The following NRG3 variants were observed in gnomAD, a reference collection of about 807,000 sequenced individuals.
NRG3 encodes pro-neuregulin-3, membrane-bound isoform.
Under a neutral mutation model 66.9 loss-of-function variants are expected in NRG3, and 31 were observed. The observed-to-expected ratio is 0.46, with a 90% confidence interval of 0.35 to 0.63. The LOEUF is 0.63. Ranked by LOEUF, NRG3 falls within the 20% of genes least tolerant of loss-of-function variation. NRG3 has a pLI of 0.00. For synonymous variants in NRG3, 393 were observed against 359.4 expected, an observed-to-expected ratio of 1.09 and a Z score of -1.06; for missense variants, 910 against 878.9, an observed-to-expected ratio of 1.04 and a Z score of -0.45.
In NRG3 at chr10:82,216,571, TGG is replaced by T. The variant is rs1286941256; in HGVS notation, c.824-142166_824-142165del. On this transcript the variant is annotated intron_variant, in intron 1 of 8. Transcript: ENST00000372141. ...ATGTATACATATGTATGTATATATC[TGG>T]GTGTGTGTGTGTGTGTGTGTGTATA... Among the ~76,000 whole-genome samples, 1,149 of 129,020 alleles carry T rather than the reference TGG, an allele frequency of 8.9e-3. 19 individuals carry two copies. Among genetic ancestry groups the T allele is most frequent in the African/African-American group, 0.032 (1,071 of 33,910 alleles). 84.6% of individuals were successfully genotyped at this position (129,020 alleles called of 152,430 possible).
chr10:82,539,849 G>C (rs751622976), intron 2 of NRG3, among the ~76,000 whole-genome samples: 16 of 152,104 alleles, frequency 1.1e-4, no homozygotes, highest in South Asian at 2.1e-4. Flanking sequence ...GACCAGGCTG[G>C]TCTTGAGCTC....
intron 1 of NRG3, among the ~76,000 whole-genome samples, chr10:81,934,441 G>T (rs1350853860): frequency 1.3e-5 from 2 of 152,092 alleles, no homozygotes; most frequent in Non-Finnish European, 2.9e-5. Context: ...CACTCCCTCC[G>T]TGGTAATTGC....
At chr10:82,723,325 A>T (rs1180654481) in intron 2 of NRG3, among the ~76,000 whole-genome samples, 1 of 152,186 alleles carries the variant, frequency 6.6e-6, no homozygotes, top group Non-Finnish European at 1.5e-5. Context: ...GAGGGGAAGG[A>T]TGGAGAGGGG....
In NRG3 at chr10:81,963,811, G is replaced by A. The variant is rs561810543; in HGVS notation, c.823+87648G>A. 2.0e-5 allele frequency among the ~76,000 whole-genome samples: 3 copies of A among 152,330 alleles called. No homozygotes were observed. The East Asian group carries it at 5.8e-4, about 29-fold the overall frequency. Reference sequence around the variant, plus strand: ...TTACATGCTTTGTTGCTGAAGGAAGGAATGTTTTCATTAGTTTTCTTTATT... The same window carrying A: ...TTACATGCTTTGTTGCTGAAGGAAGAAATGTTTTCATTAGTTTTCTTTATT... On this transcript the variant is annotated intron_variant, in intron 1 of 8. Coordinates refer to ENST00000372141, the MANE Select transcript of NRG3 (RefSeq NM_001010848.4).
rs138080374 is a variant in NRG3 at position 82,211,474 on chromosome 10, C to T, written c.824-147265C>T. 5.9e-5 allele frequency among the ~76,000 whole-genome samples: 9 copies of T among 152,276 alleles called. No individual in the cohort carries two copies. The East Asian group carries it at 1.5e-3, about 26-fold the overall frequency. ...TTGCTTTCAAGAGAAAAGCCAGATACAGCTCTGGGGAGTCGAAAGGCATCC... is the reference window on the plus strand; with the variant it reads ...TTGCTTTCAAGAGAAAAGCCAGATATAGCTCTGGGGAGTCGAAAGGCATCC... On this transcript the variant is annotated intron_variant, in intron 1 of 8. Coordinates refer to ENST00000372141, the MANE Select transcript of NRG3 (RefSeq NM_001010848.4).
chr10:82,676,601 A>G (rs1007969946), intron 2 of NRG3, among the ~76,000 whole-genome samples: 1 of 151,916 alleles, frequency 6.6e-6, no homozygotes, highest in African/African-American at 2.4e-5. Flanking sequence ...CTTCTGCCTC[A>G]GCCTCCCGAG....
At chr10:82,741,862 C>T (rs184331584) in intron 3 of NRG3, among the ~76,000 whole-genome samples, 7 of 152,160 alleles carry the variant, frequency 4.6e-5, no homozygotes, top group African/African-American at 1.2e-4. Flanking sequence ...CAATGACCTG[C>T]GGCAAACATT....
intron 1 of NRG3, among the ~76,000 whole-genome samples, chr10:82,141,129 G>C (rs1590266263): frequency 1.3e-5 from 2 of 152,180 alleles, no homozygotes; most frequent in Admixed American, 6.5e-5. Flanking sequence ...GTATTTACTA[G>C]CATGAAAAAG....
chr10:82,193,308 AATTTGGGT>A (rs1334060756), intron 1 of NRG3, among the ~76,000 whole-genome samples: 4 of 152,026 alleles, frequency 2.6e-5, no homozygotes, highest in African/African-American at 9.7e-5. Context: ...ATGCCCGGCT[AATTTGGGT>A]ATTTTTAGTA....
chr10:82,658,948 T>C (rs1486348260), intron 2 of NRG3, among the ~76,000 whole-genome samples: 1 of 152,224 alleles, frequency 6.6e-6, no homozygotes, highest in African/African-American at 2.4e-5. Context: ...AGTTTTTATT[T>C]TTAAATAAAG....
At chr10:82,268,498 C>A (rs1473889597) in intron 1 of NRG3, among the ~76,000 whole-genome samples, 1 of 152,142 alleles carries the variant, frequency 6.6e-6, no homozygotes, top group African/African-American at 2.4e-5. Context: ...CCTTCCCTTA[C>A]AAGATACCAC....
intron 2 of NRG3, among the ~76,000 whole-genome samples, chr10:82,726,482 A>G (rs569281862): frequency 2.0e-5 from 3 of 152,112 alleles, no homozygotes; most frequent in East Asian, 1.9e-4. Flanking sequence ...GGTTTTATAA[A>G]TGGGAGTTGC....
chr10:82,724,987 C>T (rs1433043059), intron 2 of NRG3, among the ~76,000 whole-genome samples: 1 of 152,220 alleles, frequency 6.6e-6, no homozygotes, highest in African/African-American at 2.4e-5. Context: ...CACACTCTCT[C>T]CTTCTGAGAA....
intron 2 of NRG3, among the ~76,000 whole-genome samples, chr10:82,617,263 C>A (rs923918989): frequency 6.7e-6 from 1 of 148,510 alleles, no homozygotes; most frequent in African/African-American, 2.5e-5. Context: ...CATACACATA[C>A]ACACACACAA....
chr10:81,892,368 C>T (rs1002039592), intron 1 of NRG3, among the ~76,000 whole-genome samples: 2 of 151,978 alleles, frequency 1.3e-5, no homozygotes, highest in African/African-American at 4.8e-5. Context: ...TGCGGGCACA[C>T]ACAAAATATT....
intron 2 of NRG3, among the ~76,000 whole-genome samples, chr10:82,468,727 T>A (rs894465046): frequency 1.3e-5 from 2 of 152,212 alleles, no homozygotes; most frequent in Non-Finnish European, 2.9e-5. Flanking sequence ...CAGCAGGCAC[T>A]TTAGATCTAT....
chr10:82,235,550 C>T (rs1276838981), intron 1 of NRG3, among the ~76,000 whole-genome samples: 1 of 152,156 alleles, frequency 6.6e-6, no homozygotes, highest in Non-Finnish European at 1.5e-5. Context: ...ACCTTTCCAT[C>T]TCAAGTAATC....
At chr10:82,192,720 T>TA (rs2074223657) in intron 1 of NRG3, among the ~76,000 whole-genome samples, 1 of 152,158 alleles carries the variant, frequency 6.6e-6, no homozygotes, top group African/African-American at 2.4e-5. Flanking sequence ...CTGCAGGAGA[T>TA]ATGTAGTGAA....
At chr10:82,368,990 G>A (rs574477421) in intron 2 of NRG3, among the ~76,000 whole-genome samples, 1 of 138,426 alleles carries the variant, frequency 7.2e-6, no homozygotes, top group South Asian at 2.1e-4. Flanking sequence ...CCCATCTCTG[G>A]GGCTACTGAA....
Sources: allele counts gnomAD v4.1 joint callset (sites outside exome capture counted in the v4.1 genomes callset), GRCh38; gene constraint gnomAD v4.1.1; transcripts MANE v1.5; gene names NCBI Gene and HGNC (gene_info 2026-07-23, HGNC 2026-07-21).